The following CLTRN variants were observed in gnomAD, a reference collection of about 807,000 sequenced individuals.
CLTRN encodes the protein collectrin, amino acid transport regulator, also known as collectrin.
CLTRN carries 12 observed loss-of-function variants against 14.5 expected under a neutral mutation model. The observed-to-expected ratio is 0.83, with a 90% CI of 0.53 to 1.34. The LOEUF is 1.34. Among genes scored for constraint, CLTRN ranks in the 40% most tolerant of loss-of-function variants. The pLI, the probability that CLTRN is intolerant of heterozygous loss-of-function variation, is 0.00. For missense variants in CLTRN, 154 were observed against 165.1 expected (o/e 0.93, Z 0.37); for synonymous variants, 58 against 56.5 (o/e 1.03, Z -0.12).
intron 3 of CLTRN, among the ~76,000 whole-genome samples, chrX:15,656,103 T>A (rs1442308494): frequency 8.9e-6 from 1 of 111,943 alleles, no homozygotes; most frequent in Non-Finnish European, 1.9e-5. Flanking sequence ...GCCTCTCTGA[T>A]CCCCTTAGGG....
intron 2 of CLTRN, 24 bp downstream of exon 2, chrX:15,664,313 A>G: frequency 8.6e-7 from 1 of 1,157,383 alleles, no homozygotes; most frequent in Admixed American, 2.4e-5. Flanking sequence ...AAATTTAAAA[A>G]GAACACTCAG....
intron 5 of CLTRN, among the ~76,000 whole-genome samples, chrX:15,632,540 T>C (rs980569573): frequency 9.3e-6 from 1 of 108,033 alleles, no homozygotes; most frequent in Admixed American, 9.9e-5. Flanking sequence ...TTCGCACCAA[T>C]GCACTCCAGC....
At chrX:15,674,643 C>A (rs772212302) in intron 1 of CLTRN, among the ~76,000 whole-genome samples, 2 of 112,761 alleles carry the variant, frequency 1.8e-5, no homozygotes, top group South Asian at 7.1e-4. Flanking sequence ...TCCGCAGGCT[C>A]ATTTCACTCT....
At chrX:15,656,722 A>C (rs940787580) in intron 3 of CLTRN, among the ~76,000 whole-genome samples, 1 of 111,273 alleles carries the variant, frequency 9.0e-6, no homozygotes, top group Non-Finnish European at 1.9e-5. Context: ...TGCAGCTTCC[A>C]ATATGGCAGT....
chrX:15,631,418 A>G (rs569012994), intron 5 of CLTRN, among the ~76,000 whole-genome samples: 161 of 106,168 alleles, frequency 1.5e-3, no homozygotes, highest in African/African-American at 5.2e-3. Flanking sequence ...GCCAGGGCCT[A>G]TTTTCCAGTT....
At chrX:15,648,617 T>C (rs1929145360) in intron 3 of CLTRN, among the ~76,000 whole-genome samples, 1 of 110,709 alleles carries the variant, frequency 9.0e-6, no homozygotes, top group Non-Finnish European at 1.9e-5. Context: ...TTGAGACCAG[T>C]CTGGCCAGCA....
At chrX:15,656,685 C>T (rs992653250) in intron 3 of CLTRN, among the ~76,000 whole-genome samples, 14 of 111,292 alleles carry the variant, frequency 1.3e-4, no homozygotes. Context: ...TATGTGGTGC[C>T]CTTTCCCATA....
chrX:15,638,659 T>C (rs947716942), intron 5 of CLTRN, among the ~76,000 whole-genome samples: 1 of 111,923 alleles, frequency 8.9e-6, no homozygotes, highest in African/African-American at 3.2e-5. Flanking sequence ...TTTTTCCATC[T>C]TCCCCCCTGC....
chrX:15,653,246 C>T (rs1929269645), intron 3 of CLTRN, among the ~76,000 whole-genome samples: 1 of 110,257 alleles, frequency 9.1e-6, no homozygotes, highest in Admixed American at 9.6e-5. Context: ...GCTTGCCCGG[C>T]AGGCCTCTCT....
chrX:15,649,860 G>A (rs1929174795), intron 3 of CLTRN, among the ~76,000 whole-genome samples: 1 of 109,311 alleles, frequency 9.1e-6, no homozygotes, highest in Non-Finnish European at 1.9e-5. Context: ...TCAGACTAAG[G>A]AGAAATAGAT....
At chrX:15,639,795 C>A (rs763000316) in intron 4 of CLTRN, 39 bp from the exon 5 acceptor site, 4 of 1,107,301 alleles carry the variant, frequency 3.6e-6, no homozygotes, top group African/African-American at 3.7e-5. Context: ...CAAAATAAGA[C>A]AGAAAAAAAA....
chrX:15,650,107 C>T (rs760500783), intron 3 of CLTRN, among the ~76,000 whole-genome samples: 62 of 99,122 alleles, frequency 6.3e-4, no homozygotes, highest in African/African-American at 2.3e-3. Flanking sequence ...GCCAGTAGCA[C>T]ATCCAATTGT....
At chrX:15,648,421 C>G (rs1171501250) in intron 3 of CLTRN, among the ~76,000 whole-genome samples, 3 of 111,260 alleles carry the variant, frequency 2.7e-5, no homozygotes, top group Non-Finnish European at 5.7e-5. Context: ...TTGTGACAAT[C>G]AAAAATGGCT....
upstream of CLTRN, among the ~76,000 whole-genome samples, chrX:15,668,006 T>A (rs1929653905): frequency 8.9e-6 from 1 of 112,441 alleles, no homozygotes; most frequent in African/African-American, 3.2e-5. Context: ...GGGAAGACAA[T>A]CTCTTATTTC....
chrX:15,664,697 T>C (rs747042827), intron 1 of CLTRN, 21 bp downstream of exon 1: 1 of 1,181,513 alleles, frequency 8.5e-7, no homozygotes, highest in South Asian at 1.8e-5. Flanking sequence ...TCATCTATTT[T>C]TAAATTTCAA....
chrX:15,635,003 C>A (rs1004400608), intron 5 of CLTRN, among the ~76,000 whole-genome samples: 1 of 111,117 alleles, frequency 9.0e-6, no homozygotes, highest in Non-Finnish European at 1.9e-5. Context: ...TTCTTTCCTT[C>A]AACAAATCTC....
upstream of CLTRN, among the ~76,000 whole-genome samples, chrX:15,666,122 C>A (rs6629118): frequency 0.2 from 22,634 of 110,783 alleles, 1,897 homozygotes; most frequent in East Asian, 0.52. Flanking sequence ...CGAAAAACTA[C>A]CTATCGAATA....
chrX:15,646,937 C>G (rs1929094136), intron 3 of CLTRN: 2 of 261,715 alleles, frequency 7.6e-6, no homozygotes, highest in Non-Finnish European at 1.5e-5. Flanking sequence ...GGGTCTAGGC[C>G]GCTGAGCAGA....
intron 3 of CLTRN, among the ~76,000 whole-genome samples, chrX:15,647,305 C>T (rs1056553574): frequency 1.5e-3 from 171 of 110,937 alleles, no homozygotes; most frequent in African/African-American, 4.7e-3. Flanking sequence ...CCAGGCCCAC[C>T]TCTCCTCTCC....
Sources: gnomAD v4.1 joint callset for allele counts (sites outside exome capture counted in the v4.1 genomes callset) on GRCh38, gnomAD v4.1.1 for gene constraint, MANE v1.5 for transcripts, NCBI Gene and HGNC (gene_info 2026-07-23, HGNC 2026-07-21) for gene names.